The following SNX14 variants were observed in gnomAD, a reference collection of about 807,000 sequenced individuals.
SNX14 encodes the protein sorting nexin-14.
SNX14 carries 93 observed loss-of-function variants against 133.8 expected under a neutral mutation model. That is an observed-to-expected ratio of 0.70 (90% CI 0.59 to 0.83). The LOEUF is 0.83. Ranked by LOEUF, SNX14 falls within the 40% of genes least tolerant of loss-of-function variation. The pLI is 0.00. For missense variants in SNX14, 945 were observed against 1,094.9 expected (o/e 0.86, Z 1.93); for synonymous variants, 368 against 365.6 (o/e 1.01, Z -0.07).
chr6:85,509,282 A>T (rs1430508755), intron 26 of SNX14, among the ~76,000 whole-genome samples: 2 of 152,224 alleles, frequency 1.3e-5, no homozygotes, highest in Non-Finnish European at 2.9e-5. Context: ...CTGAGTATCA[A>T]AGCTGAGACT....
intron 18 of SNX14, among the ~76,000 whole-genome samples, chr6:85,532,950 G>A (rs765543339): frequency 6.6e-6 from 1 of 151,866 alleles, no homozygotes; most frequent in African/African-American, 2.4e-5. Flanking sequence ...GCAGTCACAC[G>A]ATCTCGACTC....
chr6:85,549,817 C>T lies in SNX14; in HGVS notation c.697G>A (p.Ala233Thr). The T allele has an allele frequency of 6.2e-7, 1 of 1,613,942 alleles. No homozygotes were observed. Among genetic ancestry groups the T allele is most frequent in the Non-Finnish European group, 8.5e-7 (1 of 1,179,900 alleles). Residue 233 changes from alanine (A) to threonine (T), a missense_variant, in exon 8 of 29, where the codon GCT (alanine) becomes ACT (threonine). Ala to Thr is a moderately conservative substitution (Grantham distance 58). Transcript: ENST00000314673. Reference sequence around the variant, plus strand: ...AATTCATCTCTTCGACTTCTCAAAGCAACATGAAGCTCTGGACCATATTCT... The same window carrying T: ...AATTCATCTCTTCGACTTCTCAAAGTAACATGAAGCTCTGGACCATATTCT... ...LEEYGPELHV[A>T]LRSRRDELHY...
intron 21 of SNX14, among the ~76,000 whole-genome samples, chr6:85,518,354 C>T (rs1302435109): frequency 6.6e-6 from 1 of 152,062 alleles, no homozygotes; most frequent in Non-Finnish European, 1.5e-5. Context: ...ATTTTGTCTA[C>T]TTTTGTGAAA....
At chr6:85,563,853 T>C (rs1792744608) in intron 6 of SNX14, among the ~76,000 whole-genome samples, 1 of 152,134 alleles carries the variant, frequency 6.6e-6, no homozygotes, top group African/African-American at 2.4e-5. Flanking sequence ...ACATGTGCCA[T>C]GTTGGTGTGC....
chr6:85,560,124 G>A (rs886302214), intron 6 of SNX14, among the ~76,000 whole-genome samples: 3 of 152,020 alleles, frequency 2.0e-5, no homozygotes, highest in African/African-American at 7.2e-5. Context: ...TCCAGCAATT[G>A]TACTCCTATG....
chr6:85,540,865 T>A (rs1467883171), intron 15 of SNX14, among the ~76,000 whole-genome samples: 1 of 152,158 alleles, frequency 6.6e-6, no homozygotes, highest in Non-Finnish European at 1.5e-5. Context: ...CTTGCTCAAA[T>A]TGGAAGGTGT....
rs958921720 is a variant in SNX14 at position 85,536,984 on chromosome 6, T to C, written c.1476-60A>G. On this transcript the variant is annotated intron_variant, in intron 16 of 28. Transcript: ENST00000314673. ...CAAATTATCACAACAGTCTAGTTTA[T>C]TGAAAACCATTATTAAAAAAAAGAA... The C allele has an allele frequency of 2.8e-6, 4 of 1,448,084 alleles. No homozygotes were observed. The highest frequency in any genetic ancestry group is 5.1e-5 in the Admixed American group (2 of 38,940). The allele number at this position is 1,448,084 out of a possible 1,614,324, so 89.7% of individuals were successfully genotyped here.
chr6:85,507,601 A>G (rs1582421451), intron 27 of SNX14, among the ~76,000 whole-genome samples: 1 of 152,228 alleles, frequency 6.6e-6, no homozygotes, highest in East Asian at 1.9e-4. Context: ...AGATCTCAAC[A>G]GAATATATAA....
chr6:85,571,314 C>T (rs571742587), intron 4 of SNX14, among the ~76,000 whole-genome samples: 5 of 147,684 alleles, frequency 3.4e-5, no homozygotes, highest in East Asian at 2.0e-4. Context: ...GAGGTGAGAT[C>T]GCACCACTGC....
chr6:85,514,158 C>T lies in SNX14; in HGVS notation c.2469G>A (p.Leu823=), dbSNP rs1414189419. The change falls in exon 25 of 29, where the codon CTG becomes CTA. Residue 823 remains leucine (L), a synonymous_variant. Transcript: ENST00000314673. The part of the protein sequence containing the change: ...MGTRILFKNT[L]EMYTDYYLQC... The stretch of plus-strand genomic sequence containing the variant: ...GAAGATAGTAATCAGTATACATTTC[C>T]AGGGTGTTTTTAAAGAGGATTCGAG... 1 of 1,613,940 alleles carries T rather than the reference C, an allele frequency of 6.2e-7. No individual in the cohort carries two copies. The highest frequency in any genetic ancestry group is 2.2e-5 in the East Asian group (1 of 44,848).
intron 1 of SNX14, among the ~76,000 whole-genome samples, chr6:85,593,312 A>G (rs1273704791): frequency 2.0e-5 from 3 of 152,350 alleles, no homozygotes; most frequent in East Asian, 3.9e-4. Flanking sequence ...AACGAAGATG[A>G]AGAACTCGTT....
At chr6:85,519,730 G>T (rs531871963) in intron 21 of SNX14, among the ~76,000 whole-genome samples, 1 of 152,160 alleles carries the variant, frequency 6.6e-6, no homozygotes, top group Non-Finnish European at 1.5e-5. Flanking sequence ...TTAGCCGGAC[G>T]TGGTGGCACA....
chr6:85,530,153 T>A (rs201151375), intron 19 of SNX14, 39 bp downstream of exon 19: 1 of 1,268,572 alleles, frequency 7.9e-7, no homozygotes, highest in African/African-American at 1.5e-5. Flanking sequence ...AGAATGCTAA[T>A]GCTGAAATGT....
chr6:85,556,472 C>CT (rs371881772), intron 7 of SNX14, among the ~76,000 whole-genome samples: 83,996 of 136,876 alleles, frequency 0.61, 26,037 homozygotes, highest in Middle Eastern at 0.72. Context: ...TCACATTCAT[C>CT]TTTTTTTTTT....
At chr6:85,581,129 A>C (rs1394575466) in intron 1 of SNX14, 2 of 152,436 alleles carry the variant, frequency 1.3e-5, no homozygotes, top group East Asian at 3.8e-4. Flanking sequence ...CAGCTCCAGG[A>C]AGCTCAGCAC....
At chr6:85,525,924 C>G (rs1778348028) in intron 21 of SNX14, among the ~76,000 whole-genome samples, 1 of 151,976 alleles carries the variant, frequency 6.6e-6, no homozygotes, top group Admixed American at 6.6e-5. Context: ...TCTGTGATGA[C>G]AAATGGCTAG....
At chr6:85,528,550 G>A (rs1175945876) in intron 19 of SNX14, among the ~76,000 whole-genome samples, 188 bp from the exon 20 acceptor site, 3 of 152,142 alleles carry the variant, frequency 2.0e-5, no homozygotes, top group Admixed American at 6.5e-5. Flanking sequence ...CAAAGAACTT[G>A]AGTCTACTGA....
chr6:85,558,246 T>G (rs1016381752), intron 6 of SNX14, among the ~76,000 whole-genome samples, 186 bp from the exon 7 acceptor site: 3 of 152,322 alleles, frequency 2.0e-5, no homozygotes, highest in Admixed American at 2.0e-4. Flanking sequence ...CCCACAGTAC[T>G]GAAAATTAAT....
chr6:85,532,138 C>A (rs775961617), intron 18 of SNX14, among the ~76,000 whole-genome samples: 37 of 152,046 alleles, frequency 2.4e-4, no homozygotes, highest in Non-Finnish European at 5.0e-4. Context: ...AAATGATTAA[C>A]CTTTTAAGAT....
Sources: allele counts gnomAD v4.1 joint callset (sites outside exome capture counted in the v4.1 genomes callset), GRCh38; gene constraint gnomAD v4.1.1; transcripts MANE v1.5; gene names NCBI Gene and HGNC (gene_info 2026-07-23, HGNC 2026-07-21).